Variants in APPL2 observed in about 807,000 individuals in gnomAD.
APPL2 encodes the protein adaptor protein, phosphotyrosine interacting with PH domain and leucine zipper 2, also known as DCC-interacting protein 13-beta.
Under a neutral mutation model 92.7 loss-of-function variants are expected in APPL2, and 84 were observed. The observed-to-expected ratio is 0.91, with a 90% CI of 0.76 to 1.09. The LOEUF (loss-of-function observed/expected upper bound fraction) is 1.09. Among genes scored for constraint, APPL2 ranks in the 50% least tolerant of loss-of-function variants. The pLI is 0.00. For missense variants in APPL2, 736 were observed against 824.5 expected (o/e 0.89, Z 1.31); for synonymous variants, 291 against 291.0 (o/e 1.00, Z 0.00).
intron 4 of APPL2, among the ~76,000 whole-genome samples, chr12:105,213,291 G>C (rs1278488838): frequency 3.3e-5 from 5 of 152,208 alleles, no homozygotes; most frequent in African/African-American, 1.2e-4. Flanking sequence ...TTTGAGCTGT[G>C]AGTTGTACAG....
In APPL2 at chr12:105,217,705, T is replaced by A. The variant is rs1470868661; in HGVS notation, c.174A>T (p.Thr58=). 3.7e-6 allele frequency: 6 copies of A among 1,614,012 alleles called. No homozygotes were observed. The African/African-American group carries it at 5.3e-5, about 14-fold the overall frequency. The change falls in exon 3 of 21, where the codon ACA becomes ACT. Residue 58 remains threonine (T), a synonymous_variant. Transcript: ENST00000258530. ...CCAGCAGTTGCTTAGAAAGCTGTTG[T>A]GTGGCCAGGCACATCTCATTCTGTG... ...YGAQNEMCLA[T]QQLSKQLLAY... is the part of the protein sequence containing the mutation.
At chr12:105,222,641 A>G (rs998051601) in intron 2 of APPL2, among the ~76,000 whole-genome samples, 4 of 152,156 alleles carry the variant, frequency 2.6e-5, no homozygotes, top group Admixed American at 2.6e-4. Flanking sequence ...TTCAACACCT[A>G]TGGGGCCAGA....
intron 1 of APPL2, among the ~76,000 whole-genome samples, chr12:105,230,993 T>C (rs1470567330): frequency 6.6e-6 from 1 of 152,224 alleles, no homozygotes; most frequent in Non-Finnish European, 1.5e-5. Flanking sequence ...ATGAAATACA[T>C]CAGGACCTGA....
chr12:105,219,428 G>A (rs925645942), intron 2 of APPL2, among the ~76,000 whole-genome samples: 2 of 152,174 alleles, frequency 1.3e-5, no homozygotes, highest in Non-Finnish European at 2.9e-5. Context: ...AAACTAACCA[G>A]AAATGTGACT....
chr12:105,233,085 A>G, intron 1 of APPL2: 4 of 985,306 alleles, frequency 4.1e-6, no homozygotes, highest in Non-Finnish European at 4.8e-6. Flanking sequence ...AAAGTGTACT[A>G]CTTACAGGAC....
At chr12:105,215,980 T>C (rs1454574450) in intron 4 of APPL2, among the ~76,000 whole-genome samples, 4 of 152,066 alleles carry the variant, frequency 2.6e-5, no homozygotes, top group East Asian at 3.9e-4. Context: ...TGAGCCGAGA[T>C]TGCGCCACTG....
chr12:105,214,832 C>T (rs1889536516), intron 4 of APPL2, among the ~76,000 whole-genome samples: 1 of 152,178 alleles, frequency 6.6e-6, no homozygotes, highest in Admixed American at 6.5e-5. Context: ...TTTAGCCCCG[C>T]CCCCATCTTC....
At chr12:105,186,704 C>CAT (rs777376134) in intron 17 of APPL2, among the ~76,000 whole-genome samples, 10,741 of 100,656 alleles carry the variant, frequency 0.11, 1,026 homozygotes, top group African/African-American at 0.29. Context: ...TATATCATAT[C>CAT]ATATATCATA....
rs146235373 is a variant in APPL2 at position 105,229,206 on chromosome 12, G to A, written c.72C>T (p.Ser24=). ...GGGTGCCAGCATCTTCTTCAAACAC[G>A]CTCAGTAAAGAGCGAGTCTGGAAGA... ...QDSPQTRSLL[S]VFEEDAGTLT... The change falls in exon 2 of 21, where the codon AGC becomes AGT. Residue 24 remains serine (S), a synonymous_variant. Coordinates refer to ENST00000258530, the MANE Select transcript of APPL2 (RefSeq NM_018171.5). The A allele has an allele frequency of 2.4e-4, 389 of 1,613,502 alleles. No homozygotes were observed. The East Asian group carries it at 5.2e-3, about 22-fold the overall frequency.
intron 14 of APPL2, among the ~76,000 whole-genome samples, chr12:105,193,802 T>C (rs1480769291): frequency 6.6e-6 from 1 of 152,210 alleles, no homozygotes; most frequent in Non-Finnish European, 1.5e-5. Context: ...TCTTGCACTC[T>C]CCCCTTCTTC....
chr12:105,204,382 T>G (rs1279171944), intron 8 of APPL2, among the ~76,000 whole-genome samples: 1 of 152,154 alleles, frequency 6.6e-6, no homozygotes, highest in African/African-American at 2.4e-5. Flanking sequence ...AAAATCGACC[T>G]CTGACCCTGA....
intron 4 of APPL2, among the ~76,000 whole-genome samples, chr12:105,213,002 A>G (rs1412738211): frequency 1.3e-5 from 2 of 152,246 alleles, no homozygotes; most frequent in Non-Finnish European, 2.9e-5. Context: ...GAATGTGATG[A>G]CTACTTTTCC....
intron 1 of APPL2, among the ~76,000 whole-genome samples, chr12:105,233,669 G>A (rs1433970582): frequency 1.3e-5 from 2 of 152,202 alleles, no homozygotes; most frequent in African/African-American, 2.4e-5. Flanking sequence ...AGAAAAGCCC[G>A]GTGCTAGATA....
chr12:105,216,139 T>TATA (rs1889672191), intron 4 of APPL2, among the ~76,000 whole-genome samples: 3 of 152,218 alleles, frequency 2.0e-5, no homozygotes, highest in Non-Finnish European at 2.9e-5. Context: ...TTTATGCACT[T>TATA]TTCCTATAAT....
chr12:105,225,304 T>C (rs1196772), intron 2 of APPL2, among the ~76,000 whole-genome samples: 133,488 of 151,950 alleles, frequency 0.88, 59,034 homozygotes, highest in East Asian at 1. Flanking sequence ...CTGTCCTGCC[T>C]GCCAGGAACA....
chr12:105,231,448 A>G (rs192874667), intron 1 of APPL2, among the ~76,000 whole-genome samples: 20 of 152,340 alleles, frequency 1.3e-4, no homozygotes, highest in African/African-American at 4.8e-4. Flanking sequence ...CAACTCTCCA[A>G]GGTAGATTCC....
intron 2 of APPL2, among the ~76,000 whole-genome samples, chr12:105,227,906 G>A (rs1890641382): frequency 2.0e-5 from 3 of 152,214 alleles, no homozygotes; most frequent in Admixed American, 2.0e-4. Flanking sequence ...ATGCTATTAA[G>A]TATTCAATAA....
chr12:105,205,403 C>T (rs578239256), intron 8 of APPL2, among the ~76,000 whole-genome samples: 1 of 152,184 alleles, frequency 6.6e-6, no homozygotes, highest in Non-Finnish European at 1.5e-5. Context: ...CTGCTGTTCC[C>T]CCAGAACTGG....
intron 9 of APPL2, 131 bp downstream of exon 9, chr12:105,203,572 G>T: frequency 1.3e-6 from 1 of 757,354 alleles, no homozygotes; most frequent in Non-Finnish European, 2.2e-6. Flanking sequence ...CACTGTTAGC[G>T]AGCATTTCTG....
Sources: allele counts gnomAD v4.1 joint callset (sites outside exome capture counted in the v4.1 genomes callset), GRCh38; gene constraint gnomAD v4.1.1; transcripts MANE v1.5; gene names NCBI Gene and HGNC (gene_info 2026-07-23, HGNC 2026-07-21).